The following FCRL1 variants were observed in gnomAD, a reference collection of about 807,000 sequenced individuals.
The protein encoded by FCRL1 is Fc receptor-like protein 1.
In FCRL1, 34 loss-of-function variants were observed where a neutral mutation model predicts 49.2. The observed-to-expected ratio is 0.69, with a 90% CI of 0.53 to 0.92. The LOEUF is 0.92. Among genes scored for constraint, FCRL1 ranks in the 40% least tolerant of loss-of-function variants. FCRL1 has a pLI of 0.00. For missense variants in FCRL1, 524 were observed against 524.1 expected (o/e 1.00, Z 0.00); for synonymous variants, 218 against 201.6 (o/e 1.08, Z -0.69).
At chr1:157,819,857 T>C (rs1655550797) in intron 1 of FCRL1, 150 bp downstream of exon 1, 3 of 827,346 alleles carry the variant, frequency 3.6e-6, no homozygotes, top group East Asian at 2.5e-5. Flanking sequence ...ACTTTTTGCC[T>C]GACTCTGAGC....
At chr1:157,801,647 G>A (rs2101835456) in intron 5 of FCRL1, 70 bp from the exon 6 acceptor site, 1 of 1,118,760 alleles carries the variant, frequency 8.9e-7, no homozygotes, top group Non-Finnish European at 1.3e-6. Context: ...GACATCTTGG[G>A]TGTGGGTTGT....
intron 1 of FCRL1, among the ~76,000 whole-genome samples, chr1:157,809,783 G>C (rs886628663): frequency 6.6e-6 from 1 of 152,158 alleles, no homozygotes; most frequent in Admixed American, 6.5e-5. Context: ...AATTAGCTGA[G>C]TGTGGTTGCA....
chr1:157,797,697 G>A (rs1571332997), intron 9 of FCRL1, 171 bp downstream of exon 9: 1 of 1,499,074 alleles, frequency 6.7e-7, no homozygotes, highest in East Asian at 2.5e-5. Flanking sequence ...ATTAGCTCTG[G>A]GCTCTACTCA....
At chr1:157,811,535 A>C (rs921264400) in intron 1 of FCRL1, among the ~76,000 whole-genome samples, 7 of 152,208 alleles carry the variant, frequency 4.6e-5, no homozygotes, top group African/African-American at 1.7e-4. Context: ...AGAATCCTGC[A>C]GTTCTCACAG....
intron 1 of FCRL1, among the ~76,000 whole-genome samples, chr1:157,810,233 T>C (rs1654107236): frequency 6.6e-6 from 1 of 151,788 alleles, no homozygotes; most frequent in Non-Finnish European, 1.5e-5. Flanking sequence ...TTACCAGGGG[T>C]TAGGAATGGG....
At chr1:157,802,876 A>G (rs910262764) in intron 3 of FCRL1, among the ~76,000 whole-genome samples, 10 of 152,324 alleles carry the variant, frequency 6.6e-5, no homozygotes, top group African/African-American at 1.9e-4. Context: ...AAGGCATAGC[A>G]TCACCTCTCT....
At chr1:157,796,615 T>C (rs1651529776) in intron 10 of FCRL1, among the ~76,000 whole-genome samples, 1 of 152,248 alleles carries the variant, frequency 6.6e-6, no homozygotes, top group Non-Finnish European at 1.5e-5. Context: ...AGCTGGAATT[T>C]CTGCAGTTTT....
At chr1:157,811,509 C>A (rs1302640667) in intron 1 of FCRL1, among the ~76,000 whole-genome samples, 1 of 152,192 alleles carries the variant, frequency 6.6e-6, no homozygotes, top group Non-Finnish European at 1.5e-5. Context: ...TGGACACCAG[C>A]AGTCTTTGTT....
chr1:157,801,835 G>A, intron 5 of FCRL1, 80 bp downstream of exon 5: 13 of 1,513,664 alleles, frequency 8.6e-6, no homozygotes, highest in Non-Finnish European at 1.1e-5. Flanking sequence ...ACCCCCGGAA[G>A]CACAGTGGCA....
intron 2 of FCRL1, among the ~76,000 whole-genome samples, chr1:157,805,343 T>G (rs1234245769): frequency 2.0e-5 from 3 of 152,208 alleles, no homozygotes; most frequent in Admixed American, 2.0e-4. Context: ...AGACAAAACT[T>G]TATTCTTTCC....
chr1:157,802,751 G>C, intron 3 of FCRL1, 87 bp from the exon 4 acceptor site: 2 of 1,365,380 alleles, frequency 1.5e-6, no homozygotes, highest in Non-Finnish European at 9.9e-7. Context: ...TGAAAGCAAA[G>C]AGCATGAGTG....
rs985230629 is a variant in FCRL1, at chr1:157,795,705, C to T, written c.*394G>A. ...AAGCACTTGGACTGAATGATGGGCA[C>T]AGCTCTCTCTGTGAAGTCCTGCAGA... On this transcript the variant is annotated 3_prime_UTR_variant, in exon 11 of 11. Transcript: ENST00000368176. 1.8e-5 allele frequency: 3 copies of T among 166,382 alleles called. No homozygotes were observed. Among genetic ancestry groups the T allele is most frequent in the Non-Finnish European group, 3.9e-5 (3 of 76,254 alleles). The allele number at this position is 166,382 out of a possible 1,614,324, so 10.3% of individuals were successfully genotyped here. A position where few individuals can be genotyped will look rare whatever the true frequency, so the allele number is the denominator to read the frequency against.
At chr1:157,797,068 G>T (rs1209198765) in intron 10 of FCRL1, 33 bp downstream of exon 10, 1 of 1,609,106 alleles carries the variant, frequency 6.2e-7, no homozygotes, top group Non-Finnish European at 8.5e-7. Context: ...AGGAAAGAAA[G>T]AACATGGAAG....
chr1:157,801,628 T>C (rs1414881649), intron 5 of FCRL1, 51 bp from the exon 6 acceptor site: 1 of 1,310,492 alleles, frequency 7.6e-7, no homozygotes, highest in Admixed American at 1.9e-5. Context: ...GCTTGGGGCT[T>C]AGAGAGCAGA....
chr1:157,812,182 C>T (rs1654421588), intron 1 of FCRL1, among the ~76,000 whole-genome samples: 1 of 152,228 alleles, frequency 6.6e-6, no homozygotes, highest in Non-Finnish European at 1.5e-5. Flanking sequence ...CTCAGCCAAA[C>T]AGCCTAAGTG....
chr1:157,801,473 T>G lies in FCRL1; in HGVS notation c.991A>C (p.Lys331Gln), dbSNP rs758374272. The change falls in exon 6 of 11, where the codon AAA becomes CAA. Residue 331 changes from lysine to glutamine, a missense_variant. Transcript: ENST00000368176. The stretch of plus-strand genomic sequence containing the variant: ...TTTAAATACTAACCTATTTTTCTTT[T>G]GAGGCCGTAGCAAAATAATAAGGCC... ...TVALLFCYGL[K>Q]RKIGRRSARD... 5.6e-6 allele frequency: 9 copies of G among 1,610,050 alleles called. No homozygotes were observed. The highest frequency in any genetic ancestry group is 7.6e-6 in the Non-Finnish European group (9 of 1,176,654).
At chr1:157,804,776 AT>A (rs1406398731) in intron 2 of FCRL1, among the ~76,000 whole-genome samples, 1 of 152,116 alleles carries the variant, frequency 6.6e-6, no homozygotes, top group Non-Finnish European at 1.5e-5. Context: ...TGTAGAAACC[AT>A]GATCTAAAGA....
chr1:157,800,052 C>T lies in FCRL1; in HGVS notation c.1031+6G>A, dbSNP rs1652183118. On this transcript the variant is annotated splice_donor_region_variant and intron_variant, in intron 7 of 10. Coordinates refer to ENST00000368176, the MANE Select transcript of FCRL1 (RefSeq NM_052938.5). Reference sequence around the variant, plus strand: ...TATTGACACCTATAGTGAAAACAGGCCTCACCTGAGTGGATCCCTGGCTGA... The same window carrying T: ...TATTGACACCTATAGTGAAAACAGGTCTCACCTGAGTGGATCCCTGGCTGA... 8 of 1,612,286 alleles carry T rather than the reference C, an allele frequency of 5.0e-6. No individual in the cohort carries two copies. Among genetic ancestry groups the T allele is most frequent in the South Asian group, 3.3e-5 (3 of 90,850 alleles).
chr1:157,810,925 C>G (rs1448479900), intron 1 of FCRL1, among the ~76,000 whole-genome samples: 3 of 152,024 alleles, frequency 2.0e-5, no homozygotes, highest in Non-Finnish European at 4.4e-5. Flanking sequence ...CAGGCATGTG[C>G]CACAATGCCA....
Sources: allele counts gnomAD v4.1 joint callset (sites outside exome capture counted in the v4.1 genomes callset), GRCh38; gene constraint gnomAD v4.1.1; transcripts MANE v1.5; gene names NCBI Gene and HGNC (gene_info 2026-07-23, HGNC 2026-07-21).